Variants in FANCC observed in about 807,000 individuals in gnomAD.
The protein encoded by FANCC is FA complementation group C.
Under a neutral mutation model 71.3 loss-of-function variants are expected in FANCC, and 55 were observed. The observed-to-expected ratio is 0.77, with a 90% CI of 0.62 to 0.97. FANCC has a LOEUF of 0.97. FANCC is among the 50% of genes least tolerant of loss of function. The pLI is 0.00. For synonymous variants in FANCC, 275 were observed against 244.9 expected (o/e 1.12, Z -1.15); for missense variants, 678 against 670.9 (o/e 1.01, Z -0.12).
rs576156516 is a variant in FANCC, at chr9:95,101,550, T to C, written c.*157A>G. The stretch of plus-strand genomic sequence containing the variant: ...GGACCTGGCTCTGCATTTTGTAAAA[T>C]AGATACTAGCAGATTGTCCCAAGAT... On this transcript the variant is annotated 3_prime_UTR_variant, in exon 15 of 15. Coordinates refer to ENST00000289081, the MANE Select transcript of FANCC (RefSeq NM_000136.3). The C allele has an allele frequency of 2.3e-5, 20 of 878,606 alleles. No homozygotes were observed. Among genetic ancestry groups the C allele is most frequent in the East Asian group, 5.3e-5 (2 of 37,494 alleles). 54.4% of individuals were successfully genotyped at this position (878,606 alleles called of 1,614,324 possible).
intron 4 of FANCC, among the ~76,000 whole-genome samples, chr9:95,217,358 G>A (rs917387158): frequency 1.3e-5 from 2 of 151,772 alleles, no homozygotes; most frequent in Non-Finnish European, 2.9e-5. Context: ...GGTGGTGGGC[G>A]CCTGTGGTCC....
chr9:95,126,829 A>G, intron 8 of FANCC: 2 of 483,882 alleles, frequency 4.1e-6, no homozygotes, highest in Non-Finnish European at 7.6e-6. Flanking sequence ...CACATTTTCT[A>G]TAAAAGCTCA....
At chr9:95,289,957 C>T (rs1240417263) in intron 1 of FANCC, among the ~76,000 whole-genome samples, 2 of 152,212 alleles carry the variant, frequency 1.3e-5, no homozygotes, top group Non-Finnish European at 2.9e-5. Context: ...TTGTGCCCAG[C>T]CACACGTTTT....
chr9:95,191,820 C>A (rs999614099), intron 4 of FANCC, among the ~76,000 whole-genome samples: 5 of 152,142 alleles, frequency 3.3e-5, no homozygotes, highest in African/African-American at 1.2e-4. Flanking sequence ...AGCTCAACTA[C>A]ACTCTGGATA....
At chr9:95,229,990 A>T (rs970975927) in intron 4 of FANCC, among the ~76,000 whole-genome samples, 35 of 152,310 alleles carry the variant, frequency 2.3e-4, no homozygotes, top group African/African-American at 8.4e-4. Context: ...ACAACACAAA[A>T]CAAAAAAGAA....
chr9:95,297,897 G>A (rs2136345413), intron 1 of FANCC, among the ~76,000 whole-genome samples: 1 of 152,296 alleles, frequency 6.6e-6, no homozygotes, highest in East Asian at 1.9e-4. Context: ...TACCAAGACT[G>A]TCACCCTGCT....
chr9:95,158,717 T>C (rs1830579890), intron 6 of FANCC, among the ~76,000 whole-genome samples: 1 of 152,206 alleles, frequency 6.6e-6, no homozygotes, highest in African/African-American at 2.4e-5. Flanking sequence ...TAGAGCAGCA[T>C]TTCTTGAACT....
At chr9:95,219,415 T>C (rs771166553) in intron 4 of FANCC, among the ~76,000 whole-genome samples, 1 of 152,116 alleles carries the variant, frequency 6.6e-6, no homozygotes, top group Admixed American at 6.5e-5. Flanking sequence ...GGCTAACTAC[T>C]GAAGGTCTTT....
At chr9:95,115,182 T>C (rs2072290201) in intron 11 of FANCC, among the ~76,000 whole-genome samples, 1 of 152,200 alleles carries the variant, frequency 6.6e-6, no homozygotes, top group Admixed American at 6.5e-5. Context: ...GCTCAAGTGA[T>C]CCTCCCGCCT....
At chr9:95,166,218 C>T (rs1831059936) in intron 6 of FANCC, among the ~76,000 whole-genome samples, 1 of 151,890 alleles carries the variant, frequency 6.6e-6, no homozygotes, top group Non-Finnish European at 1.5e-5. Flanking sequence ...TTCATGTTCA[C>T]CTAAAGTAAT....
chr9:95,273,633 C>A (rs191427304), intron 1 of FANCC, among the ~76,000 whole-genome samples: 1 of 152,180 alleles, frequency 6.6e-6, no homozygotes, highest in Admixed American at 6.5e-5. Flanking sequence ...CCAGCTTGCA[C>A]GTCTTTTATG....
intron 4 of FANCC, among the ~76,000 whole-genome samples, chr9:95,207,824 CA>C (rs1484042296): frequency 6.6e-6 from 1 of 152,108 alleles, no homozygotes; most frequent in Non-Finnish European, 1.5e-5. Flanking sequence ...TATAACTTAA[CA>C]AATTTTACTT....
At chr9:95,137,534 A>G (rs1827878720) in intron 7 of FANCC, among the ~76,000 whole-genome samples, 1 of 152,078 alleles carries the variant, frequency 6.6e-6, no homozygotes, top group Non-Finnish European at 1.5e-5. Flanking sequence ...CACCCCCTCA[A>G]TACTGGACAT....
intron 1 of FANCC, among the ~76,000 whole-genome samples, chr9:95,300,359 A>T (rs950334039): frequency 1.3e-5 from 2 of 152,224 alleles, no homozygotes; most frequent in African/African-American, 4.8e-5. Context: ...TTAAGCCAAA[A>T]ATAATAAAAA....
intron 13 of FANCC, chr9:95,110,416 A>G: frequency 9.8e-7 from 1 of 1,025,134 alleles, no homozygotes; most frequent in East Asian, 6.4e-5. Flanking sequence ...AACATCAACC[A>G]GGATTTTCCT....
chr9:95,240,759 C>T lies in FANCC; in HGVS notation c.251-16G>A, dbSNP rs761271437. ...TGGCTTTCATCTACAAAAAGGAAAA[C>T]TTAATAAGTTTTATCAAGCAGAAAA... is the stretch of plus-strand genomic sequence containing the variant. On this transcript the variant is annotated splice_polypyrimidine_tract_variant and intron_variant, in intron 3 of 14. Coordinates refer to ENST00000289081, the MANE Select transcript of FANCC (RefSeq NM_000136.3). 2 of 1,454,068 alleles carry T rather than the reference C, an allele frequency of 1.4e-6. No homozygotes were observed. The highest frequency in any genetic ancestry group is 1.9e-6 in the Non-Finnish European group (2 of 1,035,734). 90.1% of individuals were successfully genotyped at this position (1,454,068 alleles called of 1,614,324 possible). A position where few individuals can be genotyped will look rare whatever the true frequency, so the allele number is the denominator to read the frequency against.
chr9:95,132,228 C>G (rs756798860), intron 8 of FANCC, among the ~76,000 whole-genome samples: 3 of 152,172 alleles, frequency 2.0e-5, no homozygotes, highest in Non-Finnish European at 4.4e-5. Flanking sequence ...GCTTGCCAGC[C>G]AAGCACAGTG....
At chr9:95,145,861 G>A (rs1024619727) in intron 7 of FANCC, among the ~76,000 whole-genome samples, 5 of 151,982 alleles carry the variant, frequency 3.3e-5, no homozygotes, top group Admixed American at 1.3e-4. Context: ...GAAAACAACC[G>A]TATTATTTCA....
At chr9:95,281,433 T>A (rs1478572600) in intron 1 of FANCC, among the ~76,000 whole-genome samples, 3 of 152,048 alleles carry the variant, frequency 2.0e-5, no homozygotes, top group Admixed American at 2.0e-4. Context: ...ATATTACACC[T>A]ACCAAAGCTG....
Sources: allele counts gnomAD v4.1 joint callset (sites outside exome capture counted in the v4.1 genomes callset), GRCh38; gene constraint gnomAD v4.1.1; transcripts MANE v1.5; gene names NCBI Gene and HGNC (gene_info 2026-07-23, HGNC 2026-07-21).